CNGA2: variants seen among roughly 807,000 people sequenced by gnomAD.
CNGA2 encodes the protein cyclic nucleotide gated channel subunit alpha 2.
CNGA2 carries 22 observed loss-of-function variants against 35.9 expected under a neutral mutation model. That is an observed-to-expected ratio of 0.61 (90% confidence interval 0.44 to 0.88). The LOEUF (loss-of-function observed/expected upper bound fraction) is 0.88, where lower values mean the gene tolerates loss of function less well. Among genes scored for constraint, CNGA2 ranks in the 40% least tolerant of loss-of-function variants. The pLI is 0.00. For synonymous variants in CNGA2, 217 were observed against 209.2 expected (o/e 1.04, Z -0.32); for missense variants, 555 against 530.8 (o/e 1.05, Z -0.45).
rs756382168 is a variant in CNGA2 at position 151,741,619 on chromosome X, T to A, written c.482+718T>A. Among the ~76,000 whole-genome samples, 8 of 112,333 alleles carry A rather than the reference T, an allele frequency of 7.1e-5. No individual in the cohort carries two copies. The East Asian group carries it at 1.1e-3, about 16-fold the overall frequency. ...CCTGAAATGAAACAAATGACCAGAA[T>A]GATGCCAGGGCCTGGTGGCTAGAGA... On this transcript the variant is annotated intron_variant, in intron 5 of 6. Coordinates refer to ENST00000329903, the MANE Select transcript of CNGA2 (RefSeq NM_005140.3).
Position 151,743,948 on chromosome X carries a change from G to A in CNGA2, c.1445G>A (p.Cys482Tyr), listed in dbSNP as rs1363308799. Residue 482 changes from cysteine (C) to tyrosine (Y), a missense_variant, in exon 7 of 7, where the codon TGC (cysteine) becomes TAC (tyrosine). By Grantham distance (194) the Cys-to-Tyr change is radical. Transcript: ENST00000329903. ...PQVFSPGDYI[C>Y]RKGDIGKEMY... The stretch of plus-strand genomic sequence containing the variant: ...GTCTTCAGTCCTGGGGATTACATTT[G>A]CCGCAAAGGGGACATCGGCAAGGAG... The A allele has an allele frequency of 8.3e-7, 1 of 1,209,165 alleles. No individual in the cohort carries two copies. The highest frequency in any genetic ancestry group is 1.8e-5 in the African/African-American group (1 of 56,827).
chrX:151,744,056 G>T lies in CNGA2; in HGVS notation c.1553G>T (p.Cys518Phe). Residue 518 changes from cysteine to phenylalanine, a missense_variant, in exon 7 of 7, where the codon TGC (cysteine) becomes TTC (phenylalanine). Cys to Phe is a radical substitution (Grantham distance 205). Coordinates refer to ENST00000329903, the MANE Select transcript of CNGA2 (RefSeq NM_005140.3). The part of the protein sequence containing the change: ...TQYALLSAGS[C>F]FGEISILNIK... The stretch of plus-strand genomic sequence containing the variant: ...TATGCTCTGCTGTCGGCTGGAAGCT[G>T]CTTTGGCGAGATCAGTATCCTTAAC... 1 of 1,211,387 alleles carries T rather than the reference G, an allele frequency of 8.3e-7. No homozygotes were observed.
Position 151,744,307 on chromosome X carries a change from G to A in CNGA2, c.1804G>A (p.Gly602Arg), listed in dbSNP as rs1171506839. 17 of 1,211,283 alleles carry A rather than the reference G, an allele frequency of 1.4e-5. No homozygotes were observed. Among genetic ancestry groups the A allele is most frequent in the Admixed American group, 4.4e-5 (2 of 45,977 alleles). ...SMEVDVQEKL[G>R]QLETNMETLY... ...GGAGGTCGACGTGCAGGAGAAGCTAGGGCAGCTGGAGACCAACATGGAAAC... is the reference window on the plus strand; with the variant it reads ...GGAGGTCGACGTGCAGGAGAAGCTAAGGCAGCTGGAGACCAACATGGAAAC... Residue 602 changes from glycine (G) to arginine (R), a missense_variant, in exon 7 of 7, where the codon GGG (glycine) becomes AGG (arginine). Coordinates refer to ENST00000329903, the MANE Select transcript of CNGA2 (RefSeq NM_005140.3).
At chrX:151,736,620 C>T (rs1315828870) in intron 1 of CNGA2, among the ~76,000 whole-genome samples, 1 of 110,671 alleles carries the variant, frequency 9.0e-6, no homozygotes, top group Non-Finnish European at 1.9e-5. Flanking sequence ...ATGAGACCCA[C>T]CAGCCCCACT....
chrX:151,735,675 C>T (rs748578812), intron 1 of CNGA2, among the ~76,000 whole-genome samples: 18 of 111,610 alleles, frequency 1.6e-4, no homozygotes, highest in Non-Finnish European at 3.0e-4. Flanking sequence ...TGAATTCCTC[C>T]TCAAAACCTT....
Position 151,744,930 on chromosome X carries a change from G to A in CNGA2, c.*432G>A, listed in dbSNP as rs142321306. 7.0e-3 allele frequency: 895 copies of A among 127,598 alleles called. 9 individuals are homozygous for A. Among genetic ancestry groups the A allele is most frequent in the African/African-American group, 0.026 (834 of 31,585 alleles). The allele number at this position is 127,598 out of a possible 1,213,427, so 10.5% of individuals were successfully genotyped here. A position where few individuals can be genotyped will look rare whatever the true frequency, so the allele number is the denominator to read the frequency against. On this transcript the variant is annotated 3_prime_UTR_variant, in exon 7 of 7. Transcript: ENST00000329903. Reference sequence around the variant, plus strand: ...CAGGTACCCAGTGTCTGTCTCCCACGACAGGCCAAGGGATGTGATAGTGTT... The same window carrying A: ...CAGGTACCCAGTGTCTGTCTCCCACAACAGGCCAAGGGATGTGATAGTGTT...
chrX:151,736,264 C>T (rs1303259555), intron 1 of CNGA2, among the ~76,000 whole-genome samples: 5 of 111,813 alleles, frequency 4.5e-5, no homozygotes, highest in Non-Finnish European at 9.4e-5. Flanking sequence ...GGTGATCATG[C>T]GCCCACCTCC....
intron 4 of CNGA2, among the ~76,000 whole-genome samples, chrX:151,740,315 G>A (rs1207811210): frequency 1.8e-5 from 2 of 112,540 alleles, no homozygotes; most frequent in Non-Finnish European, 3.8e-5. Flanking sequence ...CAACATCTGG[G>A]GAAGTGATTT....
intron 1 of CNGA2, among the ~76,000 whole-genome samples, chrX:151,738,013 T>A (rs2015265045): frequency 1.9e-5 from 2 of 102,975 alleles, no homozygotes; most frequent in South Asian, 5.4e-4. Context: ...GAGATGCACT[T>A]CCTTGCTTGG....
chrX:151,735,245 T>C (rs1277293606), intron 1 of CNGA2, among the ~76,000 whole-genome samples: 1 of 112,035 alleles, frequency 8.9e-6, no homozygotes, highest in Non-Finnish European at 1.9e-5. Flanking sequence ...ACCACCCTCC[T>C]TGAGAATCCC....
chrX:151,745,010 C>T lies in CNGA2; in HGVS notation c.*512C>T, dbSNP rs1418272947. 2 of 114,208 alleles carry T rather than the reference C, an allele frequency of 1.8e-5. No homozygotes were observed. The highest frequency in any genetic ancestry group is 6.5e-5 in the African/African-American group (2 of 30,843). 9.4% of individuals were successfully genotyped at this position (114,208 alleles called of 1,213,427 possible). A position where few individuals can be genotyped will look rare whatever the true frequency, so the allele number is the denominator to read the frequency against. On this transcript the variant is annotated 3_prime_UTR_variant, in exon 7 of 7. Transcript: ENST00000329903. ...AGGGTTATTCCTCCCCCATCAGATG[C>T]TCCAGCTCCTGCTCTGTAGATTGAT... is the stretch of plus-strand genomic sequence containing the variant.
chrX:151,738,062 G>T (rs145498372), intron 1 of CNGA2, among the ~76,000 whole-genome samples: 1 of 106,727 alleles, frequency 9.4e-6, no homozygotes, highest in Admixed American at 1.0e-4. Context: ...GGAGCTGCTC[G>T]GCAGCTTAAA....
chrX:151,742,485 A>G (rs1447820491), intron 5 of CNGA2, 51 bp from the exon 6 acceptor site: 2 of 1,022,463 alleles, frequency 2.0e-6, no homozygotes, highest in Admixed American at 4.6e-5. Flanking sequence ...GGGGCCTCCA[A>G]GGGACCTTTG....
chrX:151,740,900 A>C lies in CNGA2; in HGVS notation c.481A>C (p.Arg161=), dbSNP rs1366353251. ...TTACAACTGGTGCCTGCTGGTGGCC[A>C]GGTGAGCAGGGTGGGGCCCAGGAGG... ...VLYNWCLLVA[R]ACFSDLQKGY... is the part of the protein sequence containing the mutation. Residue 161 remains arginine (R), a splice_region_variant and synonymous_variant, in exon 5 of 7, where the codon AGA becomes CGA. Transcript: ENST00000329903. 1 of 1,205,688 alleles carries C rather than the reference A, an allele frequency of 8.3e-7. No homozygotes were observed. The highest frequency in any genetic ancestry group is 2.2e-5 in the Admixed American group (1 of 46,055).
chrX:151,738,103 C>T lies in CNGA2; in HGVS notation c.-26-355C>T, dbSNP rs1259082656. Among the ~76,000 whole-genome samples the T allele has an allele frequency of 2.7e-5, 3 of 109,941 alleles. No homozygotes were observed. In the Admixed American group the frequency reaches 2.9e-4, roughly 11 times the overall value. Reference sequence around the variant, plus strand: ...GCCAGACATCTGCAAAGTGAAGGCACAGGAAGATGGCTTAAACAGTTTTTG... The same window carrying T: ...GCCAGACATCTGCAAAGTGAAGGCATAGGAAGATGGCTTAAACAGTTTTTG... On this transcript the variant is annotated intron_variant, in intron 1 of 6. Coordinates refer to ENST00000329903, the MANE Select transcript of CNGA2 (RefSeq NM_005140.3).
In CNGA2 at chrX:151,740,895, T is replaced by C. The variant is rs2015298431; in HGVS notation, c.476T>C (p.Val159Ala). 1 of 1,207,910 alleles carries C rather than the reference T, an allele frequency of 8.3e-7. No individual in the cohort carries two copies. Among genetic ancestry groups the C allele is most frequent in the Non-Finnish European group, 1.1e-6 (1 of 892,301 alleles). Residue 159 changes from valine (V) to alanine (A), a missense_variant, in exon 5 of 7, where the codon GTG (valine) becomes GCG (alanine). Val to Ala is a moderately conservative substitution (Grantham distance 64). Coordinates refer to ENST00000329903, the MANE Select transcript of CNGA2 (RefSeq NM_005140.3). ...GTCCTTTACAACTGGTGCCTGCTGG[T>C]GGCCAGGTGAGCAGGGTGGGGCCCA... ...MPVLYNWCLL[V>A]ARACFSDLQK... is the part of the protein sequence containing the mutation.
In CNGA2 at chrX:151,739,611, C is replaced by T. The variant is rs778881389; in HGVS notation, c.253C>T (p.Arg85Ter). Residue 85 changes from arginine to a stop codon, truncating the protein, a stop_gained, in exon 4 of 7, where the codon CGA becomes TGA. Transcript: ENST00000329903. LOFTEE classifies it high-confidence loss of function. Reference protein sequence around the residue: ...IIREWANKNFREEEPRPDSFL... With the variant: ...IIREWANKNF ...CAGAGAATGGGCCAACAAGAATTTC[C>T]GAGAGGAGGAACCTAGGCCTGACTC... The T allele has an allele frequency of 1.7e-6, 2 of 1,211,468 alleles. No homozygotes were observed. Among genetic ancestry groups the T allele is most frequent in the East Asian group, 3.0e-5 (1 of 33,841 alleles).
rs1189791621 is a variant in CNGA2 at position 151,738,774 on chromosome X, C to CT, written c.111-7dup. 7.8e-5 allele frequency: 90 copies of CT among 1,158,720 alleles called. 1 individual carries two copies. In the East Asian group the frequency reaches 2.8e-3, roughly 36 times the overall value. ...CTGAGAACCCTGGGTCAATTCTGCTCTTTTTTCTGCAGGCCACACTCTGCA... is the reference window on the plus strand; with the variant it reads ...CTGAGAACCCTGGGTCAATTCTGCTCTTTTTTTCTGCAGGCCACACTCTGCA... On this transcript the variant is annotated splice_polypyrimidine_tract_variant and intron_variant, in intron 2 of 6. Coordinates refer to ENST00000329903, the MANE Select transcript of CNGA2 (RefSeq NM_005140.3).
Position 151,743,958 on chromosome X carries a change from G to A in CNGA2, c.1455G>A (p.Gly485=). 8.3e-7 allele frequency: 1 copy of A among 1,211,321 alleles called. No individual in the cohort carries two copies. The highest frequency in any genetic ancestry group is 1.7e-5 in the African/African-American group (1 of 57,614). The change falls in exon 7 of 7, where the codon GGG becomes GGA. Residue 485 remains glycine (G), a synonymous_variant. Transcript: ENST00000329903. ...FSPGDYICRK[G]DIGKEMYIIK... is the part of the protein sequence containing the mutation. ...CTGGGGATTACATTTGCCGCAAAGG[G>A]GACATCGGCAAGGAGATGTACATCA...
Sources: allele counts gnomAD v4.1 joint callset (sites outside exome capture counted in the v4.1 genomes callset), GRCh38; gene constraint gnomAD v4.1.1; transcripts MANE v1.5; gene names NCBI Gene and HGNC (gene_info 2026-07-23, HGNC 2026-07-21).